The following CSMD2 variants were observed in gnomAD, a reference collection of about 807,000 sequenced individuals.
The protein encoded by CSMD2 is CUB and Sushi multiple domains 2.
In CSMD2, 130 loss-of-function variants were observed where a neutral mutation model predicts 398.5. The ratio of observed to expected loss-of-function variants is 0.33; its 90% CI spans 0.28 to 0.38. CSMD2 has a LOEUF of 0.38. Ranked by LOEUF, CSMD2 falls within the 10% of genes least tolerant of loss-of-function variation. The pLI is 1.00. For synonymous variants in CSMD2, 1,828 were observed against 1,908.5 expected, an observed-to-expected ratio of 0.96 and a Z score of 1.10; for missense variants, 3,829 against 4,764.9, an observed-to-expected ratio of 0.80 and a Z score of 5.78.
intron 41 of CSMD2, chr1:33,605,778 T>C (rs1640554418): frequency 9.3e-7 from 1 of 1,073,106 alleles, no homozygotes. Flanking sequence ...AAGGAAGACA[T>C]TGCTCAATTG....
intron 25 of CSMD2, among the ~76,000 whole-genome samples, chr1:33,684,836 A>G (rs1395980052): frequency 6.6e-6 from 1 of 152,258 alleles, no homozygotes; most frequent in East Asian, 1.9e-4. Context: ...CTGTCCTCGC[A>G]GACACTTTTC....
chr1:33,829,199 C>T (rs1235361901), intron 6 of CSMD2, among the ~76,000 whole-genome samples: 1 of 152,144 alleles, frequency 6.6e-6, no homozygotes, highest in Middle Eastern at 3.2e-3. Context: ...ACAAACTCTA[C>T]AAAATGTATA....
intron 3 of CSMD2, among the ~76,000 whole-genome samples, chr1:33,978,301 A>G (rs1646042030): frequency 6.6e-6 from 1 of 152,154 alleles, no homozygotes; most frequent in African/African-American, 2.4e-5. Flanking sequence ...TAATGGGACA[A>G]TATTCTATTA....
chr1:33,886,080 T>C (rs1181447912), intron 5 of CSMD2, among the ~76,000 whole-genome samples: 1 of 152,194 alleles, frequency 6.6e-6, no homozygotes, highest in Admixed American at 6.5e-5. Flanking sequence ...TGGTCGCTGA[T>C]ACTTAATAAA....
chr1:34,125,458 C>T (rs987518361), intron 1 of CSMD2, among the ~76,000 whole-genome samples: 3 of 151,992 alleles, frequency 2.0e-5, no homozygotes, highest in African/African-American at 7.3e-5. Flanking sequence ...AGGGCACACA[C>T]AGGTAGGCCA....
intron 2 of CSMD2, among the ~76,000 whole-genome samples, chr1:34,057,767 C>A (rs1005211194): frequency 2.0e-5 from 3 of 152,194 alleles, no homozygotes; most frequent in African/African-American, 7.2e-5. Context: ...GATTTTCCTG[C>A]AAGGACTGCA....
chr1:33,531,442 T>C lies in CSMD2; in HGVS notation c.10171+1608A>G, dbSNP rs560312942. On this transcript the variant is annotated intron_variant, in intron 64 of 70. Transcript: ENST00000373381. ...AAACTTTGGCAATTCCTCAAAATAT[T>C]ACACATAGAGTTACTGTTTTCCTAG... Among the ~76,000 whole-genome samples the C allele has an allele frequency of 1.1e-4, 17 of 152,270 alleles. No individual in the cohort carries two copies. The South Asian group carries it at 3.5e-3, about 32-fold the overall frequency.
chr1:33,790,330 G>C (rs949403044), intron 11 of CSMD2, among the ~76,000 whole-genome samples: 2 of 152,174 alleles, frequency 1.3e-5, no homozygotes, highest in Non-Finnish European at 2.9e-5. Flanking sequence ...GAGTAAAGCA[G>C]ATTGCCCTCT....
chr1:33,996,178 G>A (rs762591328), intron 3 of CSMD2, among the ~76,000 whole-genome samples: 9 of 152,168 alleles, frequency 5.9e-5, no homozygotes, highest in Admixed American at 3.9e-4. Context: ...GAAAAGATGC[G>A]CAACCTCACT....
chr1:33,570,988 CAG>C (rs1659544591), intron 51 of CSMD2, among the ~76,000 whole-genome samples: 2 of 152,156 alleles, frequency 1.3e-5, no homozygotes, highest in East Asian at 3.9e-4. Context: ...GCCTCTGTCT[CAG>C]AGTGTCTTCC....
intron 28 of CSMD2, among the ~76,000 whole-genome samples, chr1:33,649,537 G>A (rs578056112): frequency 2.0e-5 from 3 of 152,240 alleles, no homozygotes; most frequent in African/African-American, 4.8e-5. Context: ...CCAGCTACTC[G>A]GGAGGCTGAG....
intron 1 of CSMD2, among the ~76,000 whole-genome samples, chr1:34,146,993 C>T (rs1639828993): frequency 6.6e-6 from 1 of 152,316 alleles, no homozygotes; most frequent in African/African-American, 2.4e-5. Flanking sequence ...CGCGGTGGCT[C>T]ATGCCTGTAA....
intron 53 of CSMD2, among the ~76,000 whole-genome samples, chr1:33,565,363 G>A (rs1310061680): frequency 6.6e-6 from 1 of 152,016 alleles, no homozygotes; most frequent in Non-Finnish European, 1.5e-5. Context: ...GCAATGATGG[G>A]AAAACCTGGG....
chr1:33,892,334 T>C (rs1488931746), intron 5 of CSMD2, among the ~76,000 whole-genome samples: 1 of 152,178 alleles, frequency 6.6e-6, no homozygotes, highest in Non-Finnish European at 1.5e-5. Context: ...ATTTTTCATT[T>C]CAATAGTTTT....
chr1:33,939,900 C>T (rs1341653826), intron 3 of CSMD2, among the ~76,000 whole-genome samples: 1 of 152,234 alleles, frequency 6.6e-6, no homozygotes, highest in East Asian at 1.9e-4. Context: ...AACTTTCCCT[C>T]ACTGGCCTTC....
chr1:33,602,443 C>T lies in CSMD2; in HGVS notation c.6636G>A (p.Val2212=). ...SSQDCVWLIT[V]PIGHGVRLNL... ...TGAGGCGGACGCCATGGCCAATGGG[C>T]ACGGTGATCAGCCAGACACAGTCCT... Residue 2212 remains valine (V), a synonymous_variant, in exon 43 of 71, where the codon GTG becomes GTA. Transcript: ENST00000373381. The T allele has an allele frequency of 3.7e-6, 6 of 1,613,996 alleles. No homozygotes were observed. Among genetic ancestry groups the T allele is most frequent in the Non-Finnish European group, 4.2e-6 (5 of 1,179,996 alleles).
intron 13 of CSMD2, among the ~76,000 whole-genome samples, chr1:33,757,904 GT>G (rs1649266502): frequency 6.6e-6 from 1 of 152,186 alleles, no homozygotes; most frequent in Non-Finnish European, 1.5e-5. Flanking sequence ...TACTGCCAGA[GT>G]CTACCTGGTG....
At chr1:33,862,421 A>G (rs1445228570) in intron 5 of CSMD2, 2 of 142,212 alleles carry the variant, frequency 1.4e-5, no homozygotes, top group African/African-American at 5.1e-5. Context: ...AGTCTGATGA[A>G]TATGTGGACT....
chr1:34,142,031 C>T (rs1162645484), intron 1 of CSMD2, among the ~76,000 whole-genome samples: 2 of 152,116 alleles, frequency 1.3e-5, no homozygotes, highest in East Asian at 3.9e-4. Context: ...TCTGATGTGC[C>T]TCCCTCATAG....
Sources: gnomAD v4.1 joint callset for allele counts (sites outside exome capture counted in the v4.1 genomes callset) on GRCh38, gnomAD v4.1.1 for gene constraint, MANE v1.5 for transcripts, NCBI Gene and HGNC (gene_info 2026-07-23, HGNC 2026-07-21) for gene names.